The following CHD4 variants were observed in gnomAD, a reference collection of about 807,000 sequenced individuals.
The protein encoded by CHD4 is chromodomain helicase DNA binding protein 4, also known as ATP-dependent chromatin remodeler CHD4.
Under a neutral mutation model 235.5 loss-of-function variants are expected in CHD4, and 35 were observed. The observed-to-expected ratio is 0.15, with a 90% CI of 0.11 to 0.20. CHD4 has a LOEUF of 0.20. Among genes scored for constraint, CHD4 ranks in the 10% least tolerant of loss-of-function variants. The pLI, the probability that CHD4 is intolerant of heterozygous loss-of-function variation, is 1.00. For synonymous variants in CHD4, 900 were observed against 850.2 expected, an observed-to-expected ratio of 1.06 and a Z score of -1.02; for missense variants, 1,329 against 2,432.3, an observed-to-expected ratio of 0.55 and a Z score of 9.54.
chr12:6,578,206 T>G, intron 35 of CHD4, 69 bp from the exon 36 acceptor site: 1 of 1,453,018 alleles, frequency 6.9e-7, no homozygotes, highest in South Asian at 1.1e-5. Flanking sequence ...AAAAAGCTAC[T>G]TATTCTTGTC....
intron 2 of CHD4, 47 bp from the exon 3 acceptor site, chr12:6,602,544 C>G (rs751280685): frequency 6.2e-7 from 1 of 1,603,336 alleles, no homozygotes; most frequent in East Asian, 2.2e-5. Flanking sequence ...AGATCAATAG[C>G]AAAAGGTTAG....
At chr12:6,588,994 C>A (rs757765922) in intron 22 of CHD4, among the ~76,000 whole-genome samples, 16 of 151,936 alleles carry the variant, frequency 1.1e-4, no homozygotes, top group Non-Finnish European at 2.4e-4. Context: ...ACACCTGTAA[C>A]CCCAACACTT....
chr12:6,585,798 AAAAC>A (rs1445440897), intron 25 of CHD4, among the ~76,000 whole-genome samples: 6 of 151,088 alleles, frequency 4.0e-5, no homozygotes, highest in African/African-American at 1.5e-4. Context: ...CAAAAAAAAA[AAAAC>A]ACACACACAA....
At position 6,598,472 on chromosome 12, in the gene CHD4, G is replaced by A. The variant is rs769110717; in HGVS notation, c.1483-47C>T. 6.2e-6 allele frequency: 9 copies of A among 1,452,888 alleles called. No individual in the cohort carries two copies. The South Asian group carries it at 1.0e-4, about 16-fold the overall frequency. The allele number at this position is 1,452,888 out of a possible 1,614,324, so 90.0% of individuals were successfully genotyped here. The stretch of plus-strand genomic sequence containing the variant: ...TAATCTCAAATCATAACCATGGGAG[G>A]AGAAGGGACAGCCCACAGTCTCAAC... On this transcript the variant is annotated intron_variant, in intron 10 of 39. Transcript: ENST00000544040.
At chr12:6,573,385 A>T (rs1298984164) in intron 37 of CHD4, 116 bp from the exon 38 acceptor site, 3 of 798,222 alleles carry the variant, frequency 3.8e-6, no homozygotes, top group African/African-American at 1.8e-5. Flanking sequence ...CCTATGAAGA[A>T]CTTCATGGAC....
rs969972577 is a variant in CHD4, at chr12:6,599,931, C to T, written c.1324G>A (p.Glu442Lys). Residue 442 changes from glutamate (E) to lysine (K), a missense_variant, in exon 10 of 40, where the codon GAA becomes AAA. By Grantham distance (56) the Glu-to-Lys change is moderately conservative. Coordinates refer to ENST00000544040, the MANE Select transcript of CHD4 (RefSeq NM_001273.5). ...TCCATATGGTGGTCATCCTCCTCTT[C>T]GAGGTCTCCCCCAACCTCTTCCAGG... The part of the protein sequence containing the change: ...EILEEVGGDL[E>K]EEDDHHMEFC... 3 of 1,614,162 alleles carry T rather than the reference C, an allele frequency of 1.9e-6. No individual in the cohort carries two copies. Among genetic ancestry groups the T allele is most frequent in the South Asian group, 1.1e-5 (1 of 91,078 alleles).
intron 25 of CHD4, among the ~76,000 whole-genome samples, chr12:6,585,180 T>G (rs1481406819): frequency 6.6e-6 from 1 of 152,154 alleles, no homozygotes; most frequent in Non-Finnish European, 1.5e-5. Flanking sequence ...CTATATCATT[T>G]AGGAGAGAAA....
At chr12:6,570,787 A>G in intron 39 of CHD4, 82 bp downstream of exon 39, 2 of 1,611,170 alleles carry the variant, frequency 1.2e-6, no homozygotes, top group Non-Finnish European at 8.5e-7. Flanking sequence ...CCCAGTATGT[A>G]AAGCTAGGGA....
Position 6,602,009 on chromosome 12 carries a change from G to C in CHD4, c.389C>G (p.Ser130Cys), listed in dbSNP as rs754152386. Residue 130 changes from serine (S) to cysteine (C), a missense_variant, in exon 4 of 40, where the codon TCC (serine) becomes TGC (cysteine). By Grantham distance (112) the Ser-to-Cys change is moderately radical. This residue lies in a region of CHD4 where 213 missense variants were observed against 177.5 expected (regional missense o/e 1.20). Transcript: ENST00000544040. The part of the protein sequence containing the change: ...LGPKKEKKSK[S>C]KRKEEEEEED... The stretch of plus-strand genomic sequence containing the variant: ...CTCCTCCTCCTCCTCCTTCCGCTTG[G>C]ATTTGCTCTTCTTCTCTTTCTTAGG... 6.2e-7 allele frequency: 1 copy of C among 1,611,120 alleles called. No homozygotes were observed. The highest frequency in any genetic ancestry group is 1.7e-5 in the Admixed American group (1 of 59,916).
chr12:6,601,815 C>T (rs764668500), intron 4 of CHD4, 49 bp from the exon 5 acceptor site: 1 of 1,580,178 alleles, frequency 6.3e-7, no homozygotes, highest in East Asian at 2.2e-5. Context: ...AGTGCCCACA[C>T]TTGCTAAGCA....
rs1047705501 is a variant in CHD4 at position 6,594,401 on chromosome 12, T to C, written c.2313+58A>G. The C allele has an allele frequency of 3.3e-6, 5 of 1,502,168 alleles. No homozygotes were observed. In the Admixed American group the frequency reaches 8.0e-5, roughly 24 times the overall value. The allele number at this position is 1,502,168 out of a possible 1,614,324, so 93.1% of individuals were successfully genotyped here. A position where few individuals can be genotyped will look rare whatever the true frequency, so the allele number is the denominator to read the frequency against. On this transcript the variant is annotated intron_variant, in intron 15 of 39. Coordinates refer to ENST00000544040, the MANE Select transcript of CHD4 (RefSeq NM_001273.5). ...CCCTTATCTCTCTACTCAGTGTAAG[T>C]TAAGGCTTCAAACACAAAACACCCA...
chr12:6,604,931 C>A (rs1448985895), intron 2 of CHD4, among the ~76,000 whole-genome samples: 2 of 152,126 alleles, frequency 1.3e-5, no homozygotes, highest in Non-Finnish European at 2.9e-5. Context: ...TCATGCCCCT[C>A]TCAGAAGGAC....
At chr12:6,575,792 A>G (rs1948061102) in intron 37 of CHD4, among the ~76,000 whole-genome samples, 1 of 152,090 alleles carries the variant, frequency 6.6e-6, no homozygotes, top group South Asian at 2.1e-4. Context: ...TAGCCCGTCC[A>G]CCTTTCTCGT....
At chr12:6,571,331 C>A in intron 38 of CHD4, 1 of 327,840 alleles carries the variant, frequency 3.1e-6, no homozygotes, top group Non-Finnish European at 5.6e-6. Flanking sequence ...TCTGTCTCCC[C>A]ACCTCCATTA....
rs1948588803 is a variant in CHD4, at chr12:6,601,374, C to T, written c.714G>A (p.Glu238=). Residue 238 remains glutamate (E), a synonymous_variant, in exon 6 of 40, where the codon GAG becomes GAA. Transcript: ENST00000544040. ...AAAAAAVAVV[E]SMVTATEVAP... Reference sequence around the variant, plus strand: ...CAACCTCAGTGGCTGTCACCATGCTCTCCACCACAGCTACCGCTGCTGCTG... The same window carrying T: ...CAACCTCAGTGGCTGTCACCATGCTTTCCACCACAGCTACCGCTGCTGCTG... 6.2e-7 allele frequency: 1 copy of T among 1,614,204 alleles called. No homozygotes were observed. Among genetic ancestry groups the T allele is most frequent in the Non-Finnish European group, 8.5e-7 (1 of 1,180,038 alleles).
At chr12:6,572,267 A>T (rs1947986524) in intron 38 of CHD4, among the ~76,000 whole-genome samples, 1 of 150,198 alleles carries the variant, frequency 6.7e-6, no homozygotes. Context: ...CTCTACTAAA[A>T]ATACAAAAAT....
Position 6,593,339 on chromosome 12 carries a change from G to A in CHD4, c.2514+77C>T, listed in dbSNP as rs1233390998. 2.5e-6 allele frequency: 4 copies of A among 1,597,720 alleles called. No individual in the cohort carries two copies. In the African/African-American group the frequency reaches 5.4e-5, roughly 21 times the overall value. ...CAGGGTTACCCTTTTGCCTCACCAGGGACCAGATCACAAGGAGGTAAACTA... is the reference window on the plus strand; with the variant it reads ...CAGGGTTACCCTTTTGCCTCACCAGAGACCAGATCACAAGGAGGTAAACTA... On this transcript the variant is annotated intron_variant, in intron 16 of 39. Transcript: ENST00000544040. This position sits in a 1 kb window ranked among gnomAD's most constrained non-coding sequence, Gnocchi z 4.9.
Position 6,601,975 on chromosome 12 carries a change from A to G in CHD4, c.423T>C (p.Asp141=). The G allele has an allele frequency of 2.5e-6, 4 of 1,608,766 alleles. No homozygotes were observed. Among genetic ancestry groups the G allele is most frequent in the Middle Eastern group, 1.6e-4 (1 of 6,062 alleles). The part of the protein sequence containing the change: ...KRKEEEEEED[D]DDDSKEPKSS... ...GTCCAGGCACCTTTGAATCATCATC[A>G]TCATCCTCCTCCTCCTCCTCCTCCT... The change falls in exon 4 of 40, where the codon GAT becomes GAC. Residue 141 remains aspartate (D), a synonymous_variant. Transcript: ENST00000544040.
chr12:6,571,010 C>T lies in CHD4; in HGVS notation c.5580G>A (p.Leu1860=), dbSNP rs759024138. ...TCACATCAGCTTTCATGTCACTCAG[C>T]AGTTCTTCCAGCTGTTTCAGAACTG... ...LHKVLKQLEE[L]LSDMKADVTR... Residue 1860 remains leucine, a synonymous_variant, in exon 39 of 40, where the codon CTG becomes CTA. Coordinates refer to ENST00000544040, the MANE Select transcript of CHD4 (RefSeq NM_001273.5). The T allele has an allele frequency of 9.3e-6, 15 of 1,613,984 alleles. No homozygotes were observed. The highest frequency in any genetic ancestry group is 1.0e-5 in the Non-Finnish European group (12 of 1,180,026).
Sources: gnomAD v4.1 joint callset for allele counts (sites outside exome capture counted in the v4.1 genomes callset) on GRCh38, gnomAD v4.1.1 for gene constraint, gnomAD v4.1.1 regional missense constraint, Gnocchi (gnomAD v3.1) non-coding constraint, MANE v1.5 for transcripts, NCBI Gene and HGNC (gene_info 2026-07-23, HGNC 2026-07-21) for gene names.